Variants in GPC5 observed in about 807,000 individuals in gnomAD.
The protein encoded by GPC5 is glypican 5.
A neutral mutation model predicts 53.9 loss-of-function variants in GPC5; 47 were observed. The ratio of observed to expected loss-of-function variants is 0.87; its 90% confidence interval spans 0.69 to 1.11. The LOEUF (loss-of-function observed/expected upper bound fraction) is 1.11. GPC5 is among the 50% of genes most tolerant of loss of function. The pLI is 0.00. For missense variants in GPC5, 748 were observed against 713.1 expected, an observed-to-expected ratio of 1.05 and a Z score of -0.56; for synonymous variants, 286 against 263.3, an observed-to-expected ratio of 1.09 and a Z score of -0.84.
intron 2 of GPC5, among the ~76,000 whole-genome samples, chr13:91,580,167 T>G (rs1387701915): frequency 6.6e-6 from 1 of 152,130 alleles, no homozygotes; most frequent in Admixed American, 6.5e-5. Flanking sequence ...TCTCCTGCCT[T>G]AGCCTCCAGA....
At chr13:92,854,238 T>C (rs1270237797) in intron 7 of GPC5, among the ~76,000 whole-genome samples, 1 of 147,564 alleles carries the variant, frequency 6.8e-6, no homozygotes, top group Admixed American at 6.8e-5. Flanking sequence ...TCAATAAATA[T>C]ATATTAATAT....
At chr13:91,923,644 A>G (rs1225414737) in intron 6 of GPC5, among the ~76,000 whole-genome samples, 1 of 152,230 alleles carries the variant, frequency 6.6e-6, no homozygotes, top group Non-Finnish European at 1.5e-5. Flanking sequence ...TTTCATTAGC[A>G]ATAAAACAAA....
intron 2 of GPC5, among the ~76,000 whole-genome samples, chr13:91,660,462 G>C (rs1232713953): frequency 2.6e-5 from 4 of 152,196 alleles, no homozygotes; most frequent in Non-Finnish European, 4.4e-5. Flanking sequence ...GTGAAGCTTG[G>C]AGATGACTGC....
intron 7 of GPC5, among the ~76,000 whole-genome samples, chr13:92,400,155 T>G (rs1252232555): frequency 6.6e-6 from 1 of 152,168 alleles, no homozygotes; most frequent in Admixed American, 6.5e-5. Context: ...CTTAACATAA[T>G]CTATGAGATT....
chr13:92,066,254 C>T (rs1202020749), intron 6 of GPC5, among the ~76,000 whole-genome samples: 1 of 151,902 alleles, frequency 6.6e-6, no homozygotes, highest in Non-Finnish European at 1.5e-5. Flanking sequence ...TATCTTTACT[C>T]AGATCCTATA....
chr13:91,531,672 T>C (rs1886351306), intron 2 of GPC5, among the ~76,000 whole-genome samples: 2 of 152,170 alleles, frequency 1.3e-5, no homozygotes, highest in Admixed American at 1.3e-4. Flanking sequence ...TTTATGTCCT[T>C]CACTTTCTTT....
intron 7 of GPC5, among the ~76,000 whole-genome samples, chr13:92,712,519 C>G (rs1470146297): frequency 6.6e-6 from 1 of 151,646 alleles, no homozygotes; most frequent in African/African-American, 2.4e-5. Context: ...TTGGCACCTA[C>G]ACAATGAGTT....
At chr13:91,438,683 A>C (rs1445301436) in intron 1 of GPC5, among the ~76,000 whole-genome samples, 4 of 152,126 alleles carry the variant, frequency 2.6e-5, no homozygotes, top group Admixed American at 2.0e-4. Flanking sequence ...TACTCTCTTC[A>C]AAGCTGTCAG....
At chr13:92,290,976 C>T (rs1396298106) in intron 7 of GPC5, among the ~76,000 whole-genome samples, 1 of 152,138 alleles carries the variant, frequency 6.6e-6, no homozygotes, top group Non-Finnish European at 1.5e-5. Flanking sequence ...AGGCCCCACT[C>T]TTGGAAGGGC....
rs9589447 is a variant in GPC5 at position 92,183,516 on chromosome 13, G to T, written c.1561+38527G>T. 8.3e-4 allele frequency among the ~76,000 whole-genome samples: 126 copies of T among 152,106 alleles called. 1 individual carries two copies. The highest frequency in any genetic ancestry group is 3.0e-3 in the African/African-American group (126 of 41,508). On this transcript the variant is annotated intron_variant, in intron 7 of 7. Coordinates refer to ENST00000377067, the MANE Select transcript of GPC5 (RefSeq NM_004466.6). ...TTTAACCATGTACCAATTCAATCCT[G>T]ATTTAATTACTAAAATGTTTTAAAA...
At chr13:91,482,241 T>A (rs1433633527) in intron 2 of GPC5, among the ~76,000 whole-genome samples, 2 of 152,158 alleles carry the variant, frequency 1.3e-5, no homozygotes, top group African/African-American at 4.8e-5. Flanking sequence ...TCTCTCTCTC[T>A]CACTCGTCTG....
At chr13:92,806,022 A>G (rs937234087) in intron 7 of GPC5, among the ~76,000 whole-genome samples, 1 of 152,004 alleles carries the variant, frequency 6.6e-6, no homozygotes, top group African/African-American at 2.4e-5. Context: ...ATAGTTCTCT[A>G]GCTATGAAAG....
At chr13:92,067,032 T>G (rs2041173095) in intron 6 of GPC5, among the ~76,000 whole-genome samples, 1 of 152,084 alleles carries the variant, frequency 6.6e-6, no homozygotes, top group South Asian at 2.1e-4. Flanking sequence ...TGAAGTGAAA[T>G]ATGCCATTCA....
intron 6 of GPC5, among the ~76,000 whole-genome samples, chr13:92,018,979 A>G (rs1378134588): frequency 6.6e-6 from 1 of 152,036 alleles, no homozygotes; most frequent in Non-Finnish European, 1.5e-5. Flanking sequence ...AAATATTGTT[A>G]GATTCTTTGG....
At chr13:91,923,846 T>A (rs751816763) in intron 6 of GPC5, among the ~76,000 whole-genome samples, 2 of 152,152 alleles carry the variant, frequency 1.3e-5, no homozygotes, top group Non-Finnish European at 2.9e-5. Flanking sequence ...TCTCTTAGCC[T>A]TATAAAAGCA....
At chr13:91,442,076 C>G (rs1312814571) in intron 1 of GPC5, among the ~76,000 whole-genome samples, 1 of 152,206 alleles carries the variant, frequency 6.6e-6, no homozygotes, top group African/African-American at 2.4e-5. Flanking sequence ...GCAATCCTAC[C>G]TTAAAAATAT....
intron 7 of GPC5, among the ~76,000 whole-genome samples, chr13:92,719,386 A>G (rs1408167652): frequency 6.6e-6 from 1 of 152,136 alleles, no homozygotes; most frequent in Non-Finnish European, 1.5e-5. Context: ...AATATTTCCC[A>G]TTATGGGCGT....
chr13:92,459,636 G>T (rs1179006226), intron 7 of GPC5, among the ~76,000 whole-genome samples: 1 of 151,988 alleles, frequency 6.6e-6, no homozygotes, highest in East Asian at 1.9e-4. Context: ...CATTCTAAAA[G>T]GTTCTTTTGA....
chr13:92,752,736 C>A (rs528687662), intron 7 of GPC5, among the ~76,000 whole-genome samples: 22 of 152,194 alleles, frequency 1.4e-4, no homozygotes, highest in Non-Finnish European at 2.8e-4. Flanking sequence ...ACGGAGGGCA[C>A]CTGGAAAATC....
Sources: gnomAD v4.1 joint callset for allele counts (sites outside exome capture counted in the v4.1 genomes callset) on GRCh38, gnomAD v4.1.1 for gene constraint, MANE v1.5 for transcripts, NCBI Gene and HGNC (gene_info 2026-07-23, HGNC 2026-07-21) for gene names.